Variants in NELL1 observed in about 807,000 individuals in gnomAD.
The protein encoded by NELL1 is neural EGFL like 1, also known as protein kinase C-binding protein NELL1.
Under a neutral mutation model 107.4 loss-of-function variants are expected in NELL1, and 76 were observed. The observed-to-expected ratio is 0.71, with a 90% CI of 0.59 to 0.86. NELL1 has a LOEUF of 0.86. Ranked by LOEUF, NELL1 falls within the 40% of genes least tolerant of loss-of-function variation. The pLI, the probability that NELL1 is intolerant of heterozygous loss-of-function variation, is 0.00. For missense variants in NELL1, 1,024 were observed against 1,005.5 expected (o/e 1.02, Z -0.25); for synonymous variants, 353 against 341.2 (o/e 1.03, Z -0.38).
At chr11:20,676,258 C>A (rs1446387300) in intron 1 of NELL1, among the ~76,000 whole-genome samples, 1 of 150,550 alleles carries the variant, frequency 6.6e-6, no homozygotes, top group Admixed American at 6.6e-5. Flanking sequence ...AGGACCCCCC[C>A]ATCCAAGTTG....
At chr11:21,217,158 AAAG>A (rs962796377) in intron 13 of NELL1, among the ~76,000 whole-genome samples, 3 of 152,108 alleles carry the variant, frequency 2.0e-5, no homozygotes, top group Non-Finnish European at 2.9e-5. Flanking sequence ...ACCACCATAT[AAAG>A]AAGGACATGT....
At chr11:21,268,634 A>G (rs1399160813) in intron 14 of NELL1, among the ~76,000 whole-genome samples, 1 of 152,148 alleles carries the variant, frequency 6.6e-6, no homozygotes, top group Non-Finnish European at 1.5e-5. Context: ...GTCTTAATGA[A>G]AGAATGAGAC....
intron 10 of NELL1, among the ~76,000 whole-genome samples, chr11:20,944,051 T>C (rs1250563661): frequency 6.6e-6 from 1 of 152,196 alleles, no homozygotes; most frequent in Non-Finnish European, 1.5e-5. Context: ...TTTCTCAAGA[T>C]GTAAGCACTA....
At chr11:21,159,902 A>C (rs543050217) in intron 13 of NELL1, among the ~76,000 whole-genome samples, 1 of 152,286 alleles carries the variant, frequency 6.6e-6, no homozygotes, top group Non-Finnish European at 1.5e-5. Context: ...GACCTTCTTC[A>C]TCTGTTCTAT....
At chr11:20,830,966 C>A (rs1327163920) in intron 3 of NELL1, among the ~76,000 whole-genome samples, 1 of 152,108 alleles carries the variant, frequency 6.6e-6, no homozygotes, top group Non-Finnish European at 1.5e-5. Flanking sequence ...TGGGGACAAA[C>A]CATATCCAAT....
rs565195846 is a variant in NELL1 at position 20,705,443 on chromosome 11, G to C, written c.184+27383G>C. Among the ~76,000 whole-genome samples the C allele has an allele frequency of 2.6e-5, 4 of 151,906 alleles. No individual in the cohort carries two copies. In the South Asian group the frequency reaches 8.3e-4, roughly 32 times the overall value. On this transcript the variant is annotated intron_variant, in intron 2 of 19. Coordinates refer to ENST00000357134, the MANE Select transcript of NELL1 (RefSeq NM_006157.5). ...GATTCCCTATTTAATAAATGGTGCT[G>C]GGAAAACTGGCTAGCCATATGTAGA...
chr11:21,075,189 T>A (rs973574971), intron 12 of NELL1, among the ~76,000 whole-genome samples: 4 of 152,164 alleles, frequency 2.6e-5, no homozygotes, highest in Admixed American at 2.6e-4. Context: ...ATAGGTATAC[T>A]ACACCCAAGA....
Position 21,327,671 on chromosome 11 carries a change from G to A in NELL1, c.1550-43182G>A, listed in dbSNP as rs142546290. On this transcript the variant is annotated intron_variant, in intron 14 of 19. Transcript: ENST00000357134. ...TAACAGGAAGGGGTTGGAAAAGTTT[G>A]GAGGTCTCAGAAGAAGATAGAAAGA... is the stretch of plus-strand genomic sequence containing the variant. Among the ~76,000 whole-genome samples the A allele has an allele frequency of 1.7e-3, 258 of 152,286 alleles. 2 individuals carry two copies. The highest frequency in any genetic ancestry group is 2.8e-3 in the Non-Finnish European group (190 of 68,020).
At chr11:21,364,987 A>G (rs1326262775) in intron 14 of NELL1, among the ~76,000 whole-genome samples, 1 of 152,160 alleles carries the variant, frequency 6.6e-6, no homozygotes, top group African/African-American at 2.4e-5. Context: ...TTGACCTGAA[A>G]TGTCTCTTTT....
intron 3 of NELL1, among the ~76,000 whole-genome samples, chr11:20,814,274 G>A (rs181658837): frequency 0.01 from 1,572 of 152,324 alleles, 12 homozygotes; most frequent in Non-Finnish European, 0.015. Context: ...GATTACAGGC[G>A]TGAGCCACCA....
intron 13 of NELL1, chr11:21,169,763 G>A (rs1301466151): frequency 8.4e-7 from 1 of 1,184,758 alleles, no homozygotes; most frequent in Non-Finnish European, 1.2e-6. Flanking sequence ...AGGCATTGAG[G>A]TGGCGGTGGA....
At chr11:20,743,892 C>T (rs535325958) in intron 2 of NELL1, among the ~76,000 whole-genome samples, 1 of 152,316 alleles carries the variant, frequency 6.6e-6, no homozygotes, top group Non-Finnish European at 1.5e-5. Context: ...ACTCTCCTCA[C>T]CACTCTGGAC....
intron 13 of NELL1, among the ~76,000 whole-genome samples, chr11:21,141,737 T>TTTTATTTA (rs201651937): frequency 0.02 from 2,974 of 147,640 alleles, 30 homozygotes; most frequent in Non-Finnish European, 0.027. Flanking sequence ...CCTCTATCCT[T>TTTTATTTA]TTTATTTATT....
chr11:21,456,161 G>A (rs1590946292), intron 15 of NELL1, among the ~76,000 whole-genome samples: 2 of 152,122 alleles, frequency 1.3e-5, no homozygotes, highest in South Asian at 2.1e-4. Context: ...CCAAAGTGCT[G>A]GGATTACAGG....
At chr11:21,521,474 G>A (rs1381595234) in intron 15 of NELL1, among the ~76,000 whole-genome samples, 2 of 151,978 alleles carry the variant, frequency 1.3e-5, no homozygotes, top group Non-Finnish European at 2.9e-5. Context: ...CAGTGATTGG[G>A]TATAATGTTC....
At chr11:21,063,573 C>T (rs947446514) in intron 12 of NELL1, among the ~76,000 whole-genome samples, 2 of 152,112 alleles carry the variant, frequency 1.3e-5, no homozygotes, top group African/African-American at 4.8e-5. Context: ...TCATATATAA[C>T]AAAGACACAC....
At chr11:20,761,149 C>T (rs571972907) in intron 2 of NELL1, among the ~76,000 whole-genome samples, 88 of 152,266 alleles carry the variant, frequency 5.8e-4, no homozygotes, top group South Asian at 1.7e-3. Context: ...TTTGCATCTG[C>T]ACATAACCAC....
chr11:21,338,946 C>T (rs373058872), intron 14 of NELL1, among the ~76,000 whole-genome samples: 4 of 152,226 alleles, frequency 2.6e-5, no homozygotes, highest in African/African-American at 4.8e-5. Context: ...CACCTATAAA[C>T]ATTAAGAGCC....
At chr11:20,675,161 T>C (rs925232731) in intron 1 of NELL1, among the ~76,000 whole-genome samples, 1 of 152,144 alleles carries the variant, frequency 6.6e-6, no homozygotes, top group Non-Finnish European at 1.5e-5. Context: ...ACAAGCATAT[T>C]CAAGTCGCTG....
Sources: gnomAD v4.1 joint callset for allele counts (sites outside exome capture counted in the v4.1 genomes callset) on GRCh38, gnomAD v4.1.1 for gene constraint, MANE v1.5 for transcripts, NCBI Gene and HGNC (gene_info 2026-07-23, HGNC 2026-07-21) for gene names.